The following DOK6 variants were observed in gnomAD, a reference collection of about 807,000 sequenced individuals.
DOK6 encodes docking protein 6.
In DOK6, 22 loss-of-function variants were observed where a neutral mutation model predicts 44.0. The observed-to-expected ratio is 0.50, with a 90% CI of 0.36 to 0.71. DOK6 has a LOEUF of 0.71. Among genes scored for constraint, DOK6 ranks in the 30% least tolerant of loss-of-function variants. The probability of loss-of-function intolerance (pLI) is 0.00; values close to 1 mark genes in which losing one functional copy is unlikely to be tolerated. For synonymous variants in DOK6, 166 were observed against 145.5 expected, an observed-to-expected ratio of 1.14 and a Z score of -1.01; for missense variants, 340 against 416.4, an observed-to-expected ratio of 0.82 and a Z score of 1.60.
chr18:69,652,242 A>G (rs1265552383), intron 3 of DOK6, among the ~76,000 whole-genome samples: 1 of 152,238 alleles, frequency 6.6e-6, no homozygotes, highest in African/African-American at 2.4e-5. Flanking sequence ...TGTTTTTTAT[A>G]CAATACACTA....
Position 69,658,871 on chromosome 18 carries a change from A to C in DOK6, c.290-18863A>C, listed in dbSNP as rs112719939. Among the ~76,000 whole-genome samples the C allele has an allele frequency of 5.0e-3, 758 of 152,332 alleles. 6 individuals are homozygous for C. The highest frequency in any genetic ancestry group is 0.017 in the African/African-American group (718 of 41,574). On this transcript the variant is annotated intron_variant, in intron 3 of 7. Coordinates refer to ENST00000382713, the MANE Select transcript of DOK6 (RefSeq NM_152721.6). ...CTGGCTGCAGCTTAGCACAGCTATA[A>C]AAGTAAGCCTGCACATAATAATTAA...
chr18:69,752,226 A>G (rs1979206643), intron 6 of DOK6, among the ~76,000 whole-genome samples: 1 of 152,160 alleles, frequency 6.6e-6, no homozygotes, highest in African/African-American at 2.4e-5. Flanking sequence ...TAAATTCAAC[A>G]TATGAAAGGA....
rs183448456 is a variant in DOK6 at position 69,492,209 on chromosome 18, C to A, written c.67-72278C>A. ...GATAGGAACCATAAAAATCACAATA[C>A]TATTTATATGAAAACAAAGTGTCAC... On this transcript the variant is annotated intron_variant, in intron 1 of 7. Transcript: ENST00000382713. Among the ~76,000 whole-genome samples, 26 of 152,140 alleles carry A rather than the reference C, an allele frequency of 1.7e-4. No individual in the cohort carries two copies. In the East Asian group the frequency reaches 4.8e-3, roughly 28 times the overall value.
chr18:69,774,139 T>TATATATATATATATATATATATATAG (rs1568122499), intron 7 of DOK6, among the ~76,000 whole-genome samples: 2 of 119,880 alleles, frequency 1.7e-5, no homozygotes, highest in African/African-American at 3.6e-5. Flanking sequence ...ATGAGATATA[T>TATATATATATATATATATATATATAG]ATATATATAT....
intron 2 of DOK6, among the ~76,000 whole-genome samples, chr18:69,575,467 T>G (rs902439645): frequency 6.6e-6 from 1 of 152,074 alleles, no homozygotes; most frequent in African/African-American, 2.4e-5. Flanking sequence ...AATAAGCCCT[T>G]TTCTCTAGAT....
At position 69,409,123 on chromosome 18, in the gene DOK6, A is replaced by G. The variant is rs141415336; in HGVS notation, c.66+7813A>G. Reference sequence around the variant, plus strand: ...TAGTGAGTTCTCACAAAATCTGATGATTTTATAAGGGGCTTCCCCCTTCAC... The same window carrying G: ...TAGTGAGTTCTCACAAAATCTGATGGTTTTATAAGGGGCTTCCCCCTTCAC... On this transcript the variant is annotated intron_variant, in intron 1 of 7. Coordinates refer to ENST00000382713, the MANE Select transcript of DOK6 (RefSeq NM_152721.6). Among the ~76,000 whole-genome samples, 160 of 152,172 alleles carry G rather than the reference A, an allele frequency of 1.1e-3. 1 individual carries two copies. Among genetic ancestry groups the G allele is most frequent in the African/African-American group, 3.6e-3 (149 of 41,516 alleles).
At chr18:69,829,759 T>C (rs771030166) in intron 7 of DOK6, among the ~76,000 whole-genome samples, 1 of 151,162 alleles carries the variant, frequency 6.6e-6, no homozygotes, top group Non-Finnish European at 1.5e-5. Context: ...AGAAATGAAA[T>C]ACTTTCTATA....
intron 7 of DOK6, among the ~76,000 whole-genome samples, chr18:69,768,947 G>A (rs1241720766): frequency 1.4e-5 from 2 of 138,202 alleles, no homozygotes; most frequent in Non-Finnish European, 3.1e-5. Context: ...AAGATTTGAA[G>A]GGTGTGCGTG....
chr18:69,711,924 A>G (rs12607852), intron 5 of DOK6, among the ~76,000 whole-genome samples: 1 of 152,054 alleles, frequency 6.6e-6, no homozygotes, highest in Non-Finnish European at 1.5e-5. Flanking sequence ...CCTTATAGTC[A>G]CCCTAAAAAA....
At chr18:69,758,394 T>C (rs1979430769) in intron 7 of DOK6, among the ~76,000 whole-genome samples, 1 of 152,170 alleles carries the variant, frequency 6.6e-6, no homozygotes, top group African/African-American at 2.4e-5. Context: ...GTAGATACTT[T>C]GCCTTTGTAC....
At chr18:69,401,724 T>C (rs1916104233) in intron 1 of DOK6, among the ~76,000 whole-genome samples, 1 of 152,124 alleles carries the variant, frequency 6.6e-6, no homozygotes, top group African/African-American at 2.4e-5. Flanking sequence ...GAATCACCAT[T>C]TTCTGGTCTC....
intron 3 of DOK6, among the ~76,000 whole-genome samples, chr18:69,649,632 A>C (rs1027770923): frequency 1.3e-5 from 2 of 152,186 alleles, no homozygotes; most frequent in Non-Finnish European, 2.9e-5. Context: ...AAACAAAATC[A>C]ACTAAAAATG....
chr18:69,732,923 G>T (rs928658730), intron 5 of DOK6, among the ~76,000 whole-genome samples: 2 of 152,166 alleles, frequency 1.3e-5, no homozygotes, highest in Admixed American at 6.5e-5. Flanking sequence ...ATGAAAACAG[G>T]TTTACTTGAC....
intron 3 of DOK6, among the ~76,000 whole-genome samples, chr18:69,668,771 T>C (rs1389156939): frequency 1.3e-5 from 2 of 152,224 alleles, no homozygotes; most frequent in African/African-American, 2.4e-5. Flanking sequence ...ATGTTGTACA[T>C]GATAAATATA....
chr18:69,629,356 T>C (rs1208322158), intron 3 of DOK6, among the ~76,000 whole-genome samples: 1 of 151,932 alleles, frequency 6.6e-6, no homozygotes, highest in Non-Finnish European at 1.5e-5. Flanking sequence ...TAGCTGCTTA[T>C]TTTTTTTCAA....
At chr18:69,409,587 T>A (rs1321079241) in intron 1 of DOK6, among the ~76,000 whole-genome samples, 1 of 152,230 alleles carries the variant, frequency 6.6e-6, no homozygotes, top group Non-Finnish European at 1.5e-5. Flanking sequence ...AAGAAGATGT[T>A]CATAAAATGC....
intron 5 of DOK6, among the ~76,000 whole-genome samples, chr18:69,734,804 CACTT>C (rs1361322288): frequency 2.0e-5 from 3 of 152,086 alleles, no homozygotes; most frequent in East Asian, 3.8e-4. Flanking sequence ...AAAGTATCTA[CACTT>C]ACTTTAAGTA....
At chr18:69,798,709 T>C (rs1980818598) in intron 7 of DOK6, among the ~76,000 whole-genome samples, 1 of 151,782 alleles carries the variant, frequency 6.6e-6, no homozygotes, top group South Asian at 2.1e-4. Context: ...TTAAATAAAC[T>C]AAATCAATTG....
At chr18:69,690,508 G>C (rs1986241255) in intron 4 of DOK6, among the ~76,000 whole-genome samples, 1 of 152,140 alleles carries the variant, frequency 6.6e-6, no homozygotes, top group African/African-American at 2.4e-5. Flanking sequence ...TGCTAGAATT[G>C]AAGAGTGACC....
Sources: allele counts gnomAD v4.1 joint callset (sites outside exome capture counted in the v4.1 genomes callset), GRCh38; gene constraint gnomAD v4.1.1; transcripts MANE v1.5; gene names NCBI Gene and HGNC (gene_info 2026-07-23, HGNC 2026-07-21).